The following ARB2A variants were observed in gnomAD, a reference collection of about 807,000 sequenced individuals.
ARB2A encodes the protein ARB2 cotranscriptional regulator A.
the ARB2A span, among the ~76,000 whole-genome samples, chr5:93,954,538 C>G: frequency 6.6e-6 from 1 of 151,846 alleles, no homozygotes; most frequent in African/African-American, 2.4e-5. Context: ...TCTCCTCAAG[C>G]ACCTCAAGCA....
At chr5:94,022,246 C>T in the ARB2A span, among the ~76,000 whole-genome samples, 2 of 152,194 alleles carry the variant, frequency 1.3e-5, no homozygotes, top group South Asian at 4.2e-4. Flanking sequence ...ATGATTGAAA[C>T]CAACAAGTGA....
At chr5:94,108,640 G>A in the ARB2A span, among the ~76,000 whole-genome samples, 1 of 151,968 alleles carries the variant, frequency 6.6e-6, no homozygotes. Context: ...CAATCATTAG[G>A]GAAGTGCAAA....
the ARB2A span, among the ~76,000 whole-genome samples, chr5:93,676,193 T>C: frequency 3.3e-5 from 5 of 152,010 alleles, no homozygotes; most frequent in Admixed American, 3.3e-4. Flanking sequence ...ACATTTGGAA[T>C]CAATTTCTTT....
At chr5:93,882,770 ATAT>A in the ARB2A span, among the ~76,000 whole-genome samples, 21 of 151,462 alleles carry the variant, frequency 1.4e-4, no homozygotes, top group Non-Finnish European at 2.8e-4. Context: ...AAGATGTATG[ATAT>A]TATAATAAAA....
chr5:93,992,677 C>T, the ARB2A span, among the ~76,000 whole-genome samples: 1 of 151,994 alleles, frequency 6.6e-6, no homozygotes, highest in Admixed American at 6.6e-5. Context: ...AGAATACTGA[C>T]ATTCCAAAAA....
At chr5:93,761,187 T>C in the ARB2A span, among the ~76,000 whole-genome samples, 1 of 152,052 alleles carries the variant, frequency 6.6e-6, no homozygotes, top group South Asian at 2.1e-4. Context: ...TTCAGCTCAC[T>C]GGGGAGTGTC....
the ARB2A span, chr5:94,055,686 G>A: frequency 3.0e-6 from 3 of 985,144 alleles, no homozygotes; most frequent in Non-Finnish European, 3.6e-6. Flanking sequence ...TCAAAATAAA[G>A]ACAGAAGGGT....
the ARB2A span, among the ~76,000 whole-genome samples, chr5:93,949,479 T>C: frequency 6.6e-6 from 1 of 151,996 alleles, no homozygotes. Context: ...GAGAATCGCT[T>C]GAACCAGGGA....
At chr5:93,822,635 T>TAA in the ARB2A span, among the ~76,000 whole-genome samples, 1 of 151,926 alleles carries the variant, frequency 6.6e-6, no homozygotes, top group Non-Finnish European at 1.5e-5. Context: ...TATAGAGATA[T>TAA]ATATATCTAT....
At chr5:93,883,965 A>ACACACC in the ARB2A span, among the ~76,000 whole-genome samples, 1 of 135,754 alleles carries the variant, frequency 7.4e-6, no homozygotes, top group Admixed American at 7.4e-5. Flanking sequence ...ACACACACAC[A>ACACACC]CCACCCTCTC....
At chr5:93,851,957 G>T in the ARB2A span, among the ~76,000 whole-genome samples, 1 of 152,152 alleles carries the variant, frequency 6.6e-6, no homozygotes, top group Non-Finnish European at 1.5e-5. Context: ...ATAGTCCTTT[G>T]TGTATATACC....
the ARB2A span, among the ~76,000 whole-genome samples, chr5:93,700,335 C>T: frequency 6.6e-6 from 1 of 151,930 alleles, no homozygotes; most frequent in African/African-American, 2.4e-5. Flanking sequence ...TCCATCAAAA[C>T]AGAATATCCT....
At chr5:93,840,497 CACCT>C in the ARB2A span, among the ~76,000 whole-genome samples, 43 of 152,250 alleles carry the variant, frequency 2.8e-4, no homozygotes, top group Non-Finnish European at 5.4e-4. Flanking sequence ...TAACTCCACC[CACCT>C]GTTTTTCTCA....
chr5:93,996,991 T>A, the ARB2A span, among the ~76,000 whole-genome samples: 1 of 152,026 alleles, frequency 6.6e-6, no homozygotes, highest in Non-Finnish European at 1.5e-5. Context: ...ATTAGGAATA[T>A]AGAATAGAAA....
chr5:93,851,326 G>A, the ARB2A span, among the ~76,000 whole-genome samples: 1 of 152,094 alleles, frequency 6.6e-6, no homozygotes, highest in Non-Finnish European at 1.5e-5. Context: ...AAAAAACCTG[G>A]CCCAAGAGGT....
At chr5:94,071,531 A>G in the ARB2A span, among the ~76,000 whole-genome samples, 1 of 152,148 alleles carries the variant, frequency 6.6e-6, no homozygotes. Flanking sequence ...ATAAAGAACT[A>G]TCAAAACTCA....
the ARB2A span, chr5:93,741,035 T>C: frequency 1.2e-6 from 2 of 1,613,886 alleles, no homozygotes; most frequent in Non-Finnish European, 1.7e-6. Context: ...AGCTTCCACA[T>C]GTTGGCGACG....
the ARB2A span, among the ~76,000 whole-genome samples, chr5:93,899,790 T>C: frequency 1.3e-5 from 2 of 152,208 alleles, no homozygotes; most frequent in Admixed American, 6.6e-5. Flanking sequence ...ATTATGCCAG[T>C]AGTAATAGTT....
At chr5:93,728,989 T>C in the ARB2A span, among the ~76,000 whole-genome samples, 5 of 152,154 alleles carry the variant, frequency 3.3e-5, no homozygotes, top group African/African-American at 1.2e-4. Context: ...TATGGCTGTA[T>C]TTTTACCACT....
Sources: gnomAD v4.1 joint callset for allele counts (sites outside exome capture counted in the v4.1 genomes callset) on GRCh38, gnomAD v4.1.1 for gene constraint, MANE v1.5 for transcripts, NCBI Gene and HGNC (gene_info 2026-07-23, HGNC 2026-07-21) for gene names.